RAB3C: variants seen among roughly 807,000 people sequenced by gnomAD.
RAB3C encodes RAB3C, member RAS oncogene family.
A neutral mutation model predicts 26.4 loss-of-function variants in RAB3C; 17 were observed. The observed-to-expected ratio is 0.64, with a 90% CI of 0.44 to 0.97. The LOEUF (loss-of-function observed/expected upper bound fraction) is 0.97. Ranked by LOEUF, RAB3C falls within the 50% of genes least tolerant of loss-of-function variation. The pLI is 0.00. For missense variants in RAB3C, 242 were observed against 281.9 expected, an observed-to-expected ratio of 0.86 and a Z score of 1.01; for synonymous variants, 91 against 95.9, an observed-to-expected ratio of 0.95 and a Z score of 0.30.
At chr5:58,616,537 CA>C (rs1165716165) in intron 1 of RAB3C, among the ~76,000 whole-genome samples, 1 of 151,962 alleles carries the variant, frequency 6.6e-6, no homozygotes, top group Admixed American at 6.6e-5. Flanking sequence ...AGATGATCAT[CA>C]AAAAAGATGA....
chr5:58,814,253 C>T (rs1241160749), intron 3 of RAB3C, among the ~76,000 whole-genome samples: 1 of 152,162 alleles, frequency 6.6e-6, no homozygotes, highest in Admixed American at 6.5e-5. Context: ...TCTACAAAAT[C>T]CACAAACTCA....
chr5:58,659,524 C>G (rs1003020141), intron 2 of RAB3C, among the ~76,000 whole-genome samples: 1 of 152,032 alleles, frequency 6.6e-6, no homozygotes, highest in Non-Finnish European at 1.5e-5. Flanking sequence ...GACTTCATTG[C>G]TTTTCTAAGT....
intron 3 of RAB3C, among the ~76,000 whole-genome samples, chr5:58,741,397 C>T (rs981616726): frequency 2.0e-5 from 3 of 152,180 alleles, no homozygotes; most frequent in African/African-American, 7.2e-5. Context: ...AAAGTCCCAA[C>T]CATCTCATCA....
At chr5:58,712,462 A>T (rs1332967066) in intron 2 of RAB3C, among the ~76,000 whole-genome samples, 1 of 152,194 alleles carries the variant, frequency 6.6e-6, no homozygotes, top group Non-Finnish European at 1.5e-5. Flanking sequence ...ATTGTTTGGG[A>T]TAAGTTAATA....
intron 2 of RAB3C, among the ~76,000 whole-genome samples, chr5:58,697,911 C>T (rs537694466): frequency 6.6e-6 from 1 of 152,208 alleles, no homozygotes; most frequent in East Asian, 1.9e-4. Flanking sequence ...GGGCATTTAG[C>T]CCATTTACAT....
intron 1 of RAB3C, among the ~76,000 whole-genome samples, chr5:58,606,036 A>C (rs1746560450): frequency 6.6e-6 from 1 of 152,178 alleles, no homozygotes; most frequent in Admixed American, 6.5e-5. Context: ...GGTTCATCTC[A>C]TTAGGACTGG....
chr5:58,801,416 A>G (rs1742806417), intron 3 of RAB3C, among the ~76,000 whole-genome samples: 1 of 152,226 alleles, frequency 6.6e-6, no homozygotes. Context: ...CCTGTATGAC[A>G]TGAGAACTGA....
In RAB3C at chr5:58,851,379, G is replaced by C; in HGVS notation, c.*28G>C. The C allele has an allele frequency of 6.5e-7, 1 of 1,538,804 alleles. No homozygotes were observed. The highest frequency in any genetic ancestry group is 8.7e-7 in the Non-Finnish European group (1 of 1,146,900). ...TCCCCGTGCACACAGGCAGCTCCAG[G>C]GGGCTCTGGTTGCCAACAAACAGCA... is the stretch of plus-strand genomic sequence containing the variant. On this transcript the variant is annotated 3_prime_UTR_variant, in exon 5 of 5. Coordinates refer to ENST00000282878, the MANE Select transcript of RAB3C (RefSeq NM_138453.4).
intron 2 of RAB3C, among the ~76,000 whole-genome samples, chr5:58,642,044 G>T (rs981598788): frequency 1.3e-5 from 2 of 152,152 alleles, no homozygotes; most frequent in African/African-American, 2.4e-5. Flanking sequence ...TGTGCATAGG[G>T]CTGGCTATTG....
chr5:58,839,436 T>C (rs1314663344), intron 4 of RAB3C, among the ~76,000 whole-genome samples: 1 of 151,974 alleles, frequency 6.6e-6, no homozygotes, highest in African/African-American at 2.4e-5. Context: ...AATGGCACAA[T>C]CTTGGCTCAC....
intron 2 of RAB3C, among the ~76,000 whole-genome samples, chr5:58,683,897 A>G (rs761000457): frequency 3.2e-4 from 48 of 152,216 alleles, no homozygotes; most frequent in Non-Finnish European, 6.0e-4. Flanking sequence ...GTACCAAAGC[A>G]CAAGAGTATT....
At chr5:58,671,152 T>A (rs1035562732) in intron 2 of RAB3C, among the ~76,000 whole-genome samples, 2 of 152,140 alleles carry the variant, frequency 1.3e-5, no homozygotes, top group African/African-American at 2.4e-5. Context: ...CTGTTGTTTC[T>A]TTTCCCAAAG....
chr5:58,617,488 A>G, intron 1 of RAB3C, 155 bp from the exon 2 acceptor site: 4 of 778,570 alleles, frequency 5.1e-6, no homozygotes, highest in Non-Finnish European at 9.5e-6. Flanking sequence ...GGATACCAAT[A>G]TCAGAGGAAG....
intron 3 of RAB3C, among the ~76,000 whole-genome samples, chr5:58,776,617 C>CT (rs756027999): frequency 6.6e-6 from 1 of 152,052 alleles, no homozygotes; most frequent in Non-Finnish European, 1.5e-5. Flanking sequence ...TACCACTCCC[C>CT]TTTTTTCTCT....
At chr5:58,638,992 T>C (rs926024590) in intron 2 of RAB3C, among the ~76,000 whole-genome samples, 17 of 65,930 alleles carry the variant, frequency 2.6e-4, no homozygotes, top group African/African-American at 9.8e-4. Flanking sequence ...ATGGCACAGC[T>C]CCCTAGATCT....
At chr5:58,811,282 T>A (rs1743081890) in intron 3 of RAB3C, among the ~76,000 whole-genome samples, 1 of 152,184 alleles carries the variant, frequency 6.6e-6, no homozygotes, top group South Asian at 2.1e-4. Flanking sequence ...TTCTCTACAA[T>A]GACAAAACCT....
intron 2 of RAB3C, among the ~76,000 whole-genome samples, chr5:58,653,936 TATC>T (rs1747710090): frequency 6.6e-6 from 1 of 152,250 alleles, no homozygotes; most frequent in African/African-American, 2.4e-5. Flanking sequence ...CCATTATTCA[TATC>T]ATACCAGCAG....
At chr5:58,817,955 C>T (rs566057671) in intron 3 of RAB3C, among the ~76,000 whole-genome samples, 6 of 152,284 alleles carry the variant, frequency 3.9e-5, no homozygotes, top group African/African-American at 1.4e-4. Context: ...GAAATGGATG[C>T]AGTAGAGCAA....
At chr5:58,667,429 G>A (rs183597950) in intron 2 of RAB3C, among the ~76,000 whole-genome samples, 52 of 152,272 alleles carry the variant, frequency 3.4e-4, no homozygotes, top group African/African-American at 1.1e-3. Flanking sequence ...GGGTGTGTAG[G>A]AGCCATCCTG....
Sources: allele counts gnomAD v4.1 joint callset (sites outside exome capture counted in the v4.1 genomes callset), GRCh38; gene constraint gnomAD v4.1.1; transcripts MANE v1.5; gene names NCBI Gene and HGNC (gene_info 2026-07-23, HGNC 2026-07-21).